Variants in NOSTRIN observed in about 807,000 individuals in gnomAD.
NOSTRIN encodes BM247 homolog.
In NOSTRIN, 63 loss-of-function variants were observed where a neutral mutation model predicts 59.0. That is an observed-to-expected ratio of 1.07 (90% CI 0.87 to 1.32). The LOEUF is 1.32. NOSTRIN is among the 40% of genes most tolerant of loss of function. The pLI is 0.00. For missense variants in NOSTRIN, 512 were observed against 473.1 expected (o/e 1.08, Z -0.76); for synonymous variants, 200 against 165.4 (o/e 1.21, Z -1.61).
At chr2:168,835,864 A>C (rs1189404705) in intron 7 of NOSTRIN, among the ~76,000 whole-genome samples, 1 of 152,226 alleles carries the variant, frequency 6.6e-6, no homozygotes, top group Non-Finnish European at 1.5e-5. Flanking sequence ...ATTGGGGTAC[A>C]GGAACAAAAT....
chr2:168,814,139 C>T (rs905868220), intron 2 of NOSTRIN, among the ~76,000 whole-genome samples: 10 of 152,172 alleles, frequency 6.6e-5, no homozygotes, highest in African/African-American at 2.4e-4. Context: ...TACTTTTAGA[C>T]AGCATTTCTG....
At chr2:168,832,217 G>A (rs1198279756) in intron 6 of NOSTRIN, among the ~76,000 whole-genome samples, 2 of 152,130 alleles carry the variant, frequency 1.3e-5, no homozygotes, top group African/African-American at 4.8e-5. Flanking sequence ...ACGTGTGCAG[G>A]AAATAGGGAA....
intron 2 of NOSTRIN, among the ~76,000 whole-genome samples, chr2:168,812,442 G>A (rs1009767387): frequency 1.2e-4 from 18 of 152,214 alleles, no homozygotes; most frequent in South Asian, 8.3e-4. Flanking sequence ...CTTTTCTGTC[G>A]CTTTTCAAGT....
intron 5 of NOSTRIN, among the ~76,000 whole-genome samples, chr2:168,828,946 C>CA (rs1349755999): frequency 2.0e-5 from 3 of 151,938 alleles, no homozygotes; most frequent in Non-Finnish European, 4.4e-5. Context: ...AGAAGCTTCT[C>CA]AAAATGTTAA....
rs1689317714 is a variant in NOSTRIN at position 168,859,593 on chromosome 2, C to G, written c.1135C>G (p.Pro379Ala). 1.2e-6 allele frequency: 2 copies of G among 1,613,936 alleles called. No individual in the cohort carries two copies. The highest frequency in any genetic ancestry group is 1.7e-5 in the Admixed American group (1 of 59,992). ...AGCAGAACTTGAGCAAAGACCTCAA[C>G]CCAGCCATCCTTGTAGTAATTCCAT... ...MLAELEQRPQ[P>A]SHPCSNSIFR... is the part of the protein sequence containing the mutation. Residue 379 changes from proline to alanine, a missense_variant, in exon 13 of 16, where the codon CCC (proline) becomes GCC (alanine). Coordinates refer to ENST00000317647, the MANE Select transcript of NOSTRIN (RefSeq NM_001039724.4).
chr2:168,856,624 C>A, intron 11 of NOSTRIN, 66 bp from the exon 12 acceptor site: 1 of 1,433,608 alleles, frequency 7.0e-7, no homozygotes, highest in South Asian at 1.2e-5. Context: ...TTGAGAGCGA[C>A]CGACTCCTGG....
intron 8 of NOSTRIN, among the ~76,000 whole-genome samples, chr2:168,845,407 G>T (rs1334030507): frequency 1.3e-5 from 2 of 152,194 alleles, no homozygotes; most frequent in African/African-American, 2.4e-5. Flanking sequence ...TTTCACCTCA[G>T]TGTCTCTATC....
rs779897280 is a variant in NOSTRIN at position 168,860,839 on chromosome 2, G to C, written c.1224G>C (p.Met408Ile). Residue 408 changes from methionine (M) to isoleucine (I), a missense_variant, in exon 14 of 16, where the codon ATG (methionine) becomes ATC (isoleucine). Transcript: ENST00000317647. ...SYVKISRPFL[M>I]KRLENIVSKA... The stretch of plus-strand genomic sequence containing the variant: ...TGAAAATATCTCGGCCTTTTTTAAT[G>C]AAGAGATTAGAGAATATTGTGAGCA... The C allele has an allele frequency of 6.2e-7, 1 of 1,613,898 alleles. No homozygotes were observed.
intron 11 of NOSTRIN, chr2:168,856,134 A>G (rs1689090136): frequency 9.0e-6 from 2 of 221,570 alleles, no homozygotes; most frequent in Non-Finnish European, 1.8e-5. Flanking sequence ...AAGAATTTCA[A>G]AATCTCATCT....
chr2:168,841,799 T>C (rs993914183), intron 7 of NOSTRIN, among the ~76,000 whole-genome samples: 18 of 152,228 alleles, frequency 1.2e-4, no homozygotes, highest in African/African-American at 4.1e-4. Context: ...TTATGTGACA[T>C]GGGAGCCTTC....
chr2:168,828,008 A>G, intron 3 of NOSTRIN, 150 bp from the exon 4 acceptor site: 1 of 656,926 alleles, frequency 1.5e-6, no homozygotes, highest in Middle Eastern at 3.6e-4. Context: ...GGCAGAATGT[A>G]ATCTCATAGA....
chr2:168,834,507 G>GCACGCACACACACACA (rs1553527196), intron 7 of NOSTRIN, among the ~76,000 whole-genome samples, 182 bp downstream of exon 7: 1 of 125,342 alleles, frequency 8.0e-6, no homozygotes, highest in East Asian at 2.4e-4. Context: ...GCGCGCGCGC[G>GCACGCACACACACACA]CACACACACA....
intron 8 of NOSTRIN, among the ~76,000 whole-genome samples, chr2:168,847,874 T>C (rs1443467346): frequency 2.0e-5 from 3 of 152,238 alleles, no homozygotes; most frequent in African/African-American, 7.2e-5. Flanking sequence ...TGAGCAAACA[T>C]AGATCATTTT....
At chr2:168,862,154 A>AAATC (rs1348877538) in intron 15 of NOSTRIN, 105 bp downstream of exon 15, 1 of 929,020 alleles carries the variant, frequency 1.1e-6, no homozygotes, top group African/African-American at 1.6e-5. Flanking sequence ...CTACCATGTC[A>AAATC]AATCAGTTCA....
At chr2:168,831,651 G>A in intron 6 of NOSTRIN, 117 bp downstream of exon 6, 1 of 654,558 alleles carries the variant, frequency 1.5e-6, no homozygotes, top group Non-Finnish European at 2.8e-6. Flanking sequence ...TAACTGAAGA[G>A]AAAAATGTTT....
At chr2:168,863,729 T>C in intron 15 of NOSTRIN, 1 of 867,118 alleles carries the variant, frequency 1.2e-6, no homozygotes, top group Non-Finnish European at 1.4e-6. Context: ...ATTGTCTTGA[T>C]CTTAAGAAAA....
At chr2:168,828,566 G>T in intron 5 of NOSTRIN, 65 bp downstream of exon 5, 1 of 632,936 alleles carries the variant, frequency 1.6e-6, no homozygotes, top group Non-Finnish European at 2.7e-6. Context: ...GCCCAGAAAA[G>T]GAAAAGGTGA....
chr2:168,824,717 G>GA lies in NOSTRIN; in HGVS notation c.197_197+1insA (p.Ser66ArgfsTer4), dbSNP rs774622286. ...AAAGCATTACAGAACACGAGAAAAA[G>GA]GTAAGTATTGTGGCAGAGGTAAGGC... On this transcript the variant is annotated frameshift_variant and splice_region_variant. Coordinates refer to ENST00000317647, the MANE Select transcript of NOSTRIN (RefSeq NM_001039724.4). LOFTEE classifies it high-confidence loss of function. The GA allele has an allele frequency of 1.1e-6, 1 of 872,508 alleles. No homozygotes were observed. The highest frequency in any genetic ancestry group is 2.0e-6 in the Non-Finnish European group (1 of 501,418). 54.0% of individuals were successfully genotyped at this position (872,508 alleles called of 1,614,324 possible). A position where few individuals can be genotyped will look rare whatever the true frequency, so the allele number is the denominator to read the frequency against.
At chr2:168,852,520 A>C (rs1443789194) in intron 10 of NOSTRIN, among the ~76,000 whole-genome samples, 1 of 152,176 alleles carries the variant, frequency 6.6e-6, no homozygotes, top group African/African-American at 2.4e-5. Flanking sequence ...AAGAATTCTG[A>C]TAGCGTTTCC....
Sources: allele counts gnomAD v4.1 joint callset (sites outside exome capture counted in the v4.1 genomes callset), GRCh38; gene constraint gnomAD v4.1.1; transcripts MANE v1.5; gene names NCBI Gene and HGNC (gene_info 2026-07-23, HGNC 2026-07-21).